Variants in MYO16 observed in about 807,000 individuals in gnomAD.
The protein encoded by MYO16 is unconventional myosin-XVI.
MYO16 carries 94 observed loss-of-function variants against 205.3 expected under a neutral mutation model. The ratio of observed to expected loss-of-function variants is 0.46; its 90% CI spans 0.39 to 0.54. The LOEUF is 0.54. Among genes scored for constraint, MYO16 ranks in the 20% least tolerant of loss-of-function variants. The pLI is 0.00. For synonymous variants in MYO16, 988 were observed against 954.0 expected (o/e 1.04, Z -0.66); for missense variants, 2,315 against 2,387.5 (o/e 0.97, Z 0.63).
intron 23 of MYO16, among the ~76,000 whole-genome samples, chr13:109,032,450 C>G (rs1886575230): frequency 6.6e-6 from 1 of 152,176 alleles, no homozygotes; most frequent in Admixed American, 6.5e-5. Flanking sequence ...ATCTTCCTAG[C>G]CAGTGAGACA....
rs539195673 is a variant in MYO16, at chr13:109,044,236, G to T, written c.2797-2680G>T. Among the ~76,000 whole-genome samples, 15 of 152,274 alleles carry T rather than the reference G, an allele frequency of 9.9e-5. No homozygotes were observed. The South Asian group carries it at 2.7e-3, about 27-fold the overall frequency. ...TGAGACCTGAAAGAAGTCAAAATAGGCCGTTGCTTTAGAAACTATGGATGA... is the reference window on the plus strand; with the variant it reads ...TGAGACCTGAAAGAAGTCAAAATAGTCCGTTGCTTTAGAAACTATGGATGA... On this transcript the variant is annotated intron_variant, in intron 23 of 34. Transcript: ENST00000457511.
At chr13:108,838,769 T>TTCAC (rs1877080619) in intron 9 of MYO16, among the ~76,000 whole-genome samples, 1 of 21,006 alleles carries the variant, frequency 4.8e-5, no homozygotes, top group Non-Finnish European at 9.9e-5. Flanking sequence ...CACACACAAA[T>TTCAC]GCACACACAC....
At chr13:108,571,984 A>G in the MYO16 span, among the ~76,000 whole-genome samples, 14 of 151,042 alleles carry the variant, frequency 9.3e-5, no homozygotes, top group Non-Finnish European at 1.9e-4. Flanking sequence ...TCAGAGGTGC[A>G]GTCACCCTCA....
intron 1 of MYO16, among the ~76,000 whole-genome samples, chr13:108,649,277 T>C (rs1880895277): frequency 6.6e-6 from 1 of 152,182 alleles, no homozygotes; most frequent in Non-Finnish European, 1.5e-5. Flanking sequence ...TCCTGAATTG[T>C]CCCACTAGGG....
intron 3 of MYO16, among the ~76,000 whole-genome samples, chr13:108,713,216 T>C (rs1883793905): frequency 1.3e-5 from 2 of 152,252 alleles, no homozygotes; most frequent in South Asian, 4.1e-4. Flanking sequence ...ATATATTAGA[T>C]TCGTGTGCAA....
intron 16 of MYO16, among the ~76,000 whole-genome samples, chr13:108,952,095 G>A (rs1290973125): frequency 2.0e-5 from 3 of 149,178 alleles, no homozygotes; most frequent in Non-Finnish European, 3.0e-5. Flanking sequence ...TGGGAAAAAC[G>A]AGTGAGACTC....
chr13:108,537,393 A>G, the MYO16 span, among the ~76,000 whole-genome samples: 4,088 of 152,160 alleles, frequency 0.027, 156 homozygotes, highest in African/African-American at 0.087. Context: ...TCTTTATTCA[A>G]TCATCAGTTG....
At chr13:109,145,870 A>C (rs578181784) in intron 32 of MYO16, among the ~76,000 whole-genome samples, 1 of 152,366 alleles carries the variant, frequency 6.6e-6, no homozygotes, top group South Asian at 2.1e-4. Context: ...TTGACAAAAA[A>C]TGCAGTACAT....
intron 20 of MYO16, among the ~76,000 whole-genome samples, chr13:108,978,087 T>C (rs1884330058): frequency 6.6e-6 from 1 of 152,060 alleles, no homozygotes; most frequent in South Asian, 2.1e-4. Flanking sequence ...TATAATGAGT[T>C]CTATTCTATT....
At chr13:109,124,795 A>G (rs1876157321) in intron 29 of MYO16, among the ~76,000 whole-genome samples, 1 of 152,170 alleles carries the variant, frequency 6.6e-6, no homozygotes, top group Non-Finnish European at 1.5e-5. Flanking sequence ...CTGCAGTTGG[A>G]GGCACACCCC....
rs1008101094 is a variant in MYO16, at chr13:108,815,051, T to A, written c.868-5286T>A. Among the ~76,000 whole-genome samples, 9 of 152,196 alleles carry A rather than the reference T, an allele frequency of 5.9e-5. 1 individual carries two copies. The highest frequency in any genetic ancestry group is 3.9e-4 in the Admixed American group (6 of 15,268). On this transcript the variant is annotated intron_variant, in intron 7 of 34. Transcript: ENST00000457511. ...TGTTAAGTGAATTTATCAATTTTTT[T>A]ACAGTAGTGTTACAAGCATAACATA...
At chr13:108,848,419 T>C (rs1346903280) in intron 10 of MYO16, among the ~76,000 whole-genome samples, 2 of 152,210 alleles carry the variant, frequency 1.3e-5, no homozygotes, top group East Asian at 3.8e-4. Flanking sequence ...ATCCTCAAAA[T>C]GTCACTGTGA....
chr13:108,571,095 A>C, the MYO16 span, among the ~76,000 whole-genome samples: 12 of 152,350 alleles, frequency 7.9e-5, no homozygotes, highest in African/African-American at 2.9e-4. Flanking sequence ...AAAAGAAAAA[A>C]AAGATAGCAG....
chr13:108,623,515 AAT>A (rs1292116061), intron 1 of MYO16, among the ~76,000 whole-genome samples: 4 of 152,216 alleles, frequency 2.6e-5, no homozygotes, highest in Non-Finnish European at 5.9e-5. Context: ...ATTGAAAAAC[AAT>A]ATACACTCAG....
chr13:108,699,096 CTATA>C (rs10590969), intron 2 of MYO16, among the ~76,000 whole-genome samples: 11 of 132,404 alleles, frequency 8.3e-5, no homozygotes, highest in Non-Finnish European at 1.4e-4. Flanking sequence ...CTCTCTCTCT[CTATA>C]TATATATATA....
At chr13:108,878,554 A>G (rs1398516644) in intron 12 of MYO16, among the ~76,000 whole-genome samples, 1 of 152,236 alleles carries the variant, frequency 6.6e-6, no homozygotes, top group Non-Finnish European at 1.5e-5. Flanking sequence ...CCTGGATGCC[A>G]GACAAGAGCT....
At chr13:108,931,784 C>T (rs1882267374) in intron 16 of MYO16, among the ~76,000 whole-genome samples, 1 of 152,156 alleles carries the variant, frequency 6.6e-6, no homozygotes, top group Non-Finnish European at 1.5e-5. Flanking sequence ...ACCACAGGAA[C>T]CCCAGATATT....
intron 33 of MYO16, among the ~76,000 whole-genome samples, chr13:109,166,136 T>C (rs939399279): frequency 1.4e-4 from 22 of 152,294 alleles, no homozygotes; most frequent in Non-Finnish European, 2.9e-4. Flanking sequence ...CGGCAGCCAA[T>C]TGCAATATGT....
At chr13:108,941,985 GTTAAT>G (rs1214491732) in intron 16 of MYO16, among the ~76,000 whole-genome samples, 1 of 152,166 alleles carries the variant, frequency 6.6e-6, no homozygotes, top group Non-Finnish European at 1.5e-5. Context: ...ATGCCTAAGA[GTTAAT>G]TTAATTATGC....
Sources: gnomAD v4.1 joint callset for allele counts (sites outside exome capture counted in the v4.1 genomes callset) on GRCh38, gnomAD v4.1.1 for gene constraint, MANE v1.5 for transcripts, NCBI Gene and HGNC (gene_info 2026-07-23, HGNC 2026-07-21) for gene names.